Variants in SMPD3 observed in about 807,000 individuals in gnomAD.
The protein encoded by SMPD3 is nSMase-2.
SMPD3 carries 21 observed loss-of-function variants against 55.7 expected under a neutral mutation model. The observed-to-expected ratio is 0.38, with a 90% CI of 0.27 to 0.54. The LOEUF is 0.54. Ranked by LOEUF, SMPD3 falls within the 20% of genes least tolerant of loss-of-function variation. The probability of loss-of-function intolerance (pLI) is 0.80; values close to 1 mark genes in which losing one functional copy is unlikely to be tolerated. For synonymous variants in SMPD3, 457 were observed against 404.3 expected (o/e 1.13, Z -1.56); for missense variants, 842 against 899.6 (o/e 0.94, Z 0.82).
intron 1 of SMPD3, among the ~76,000 whole-genome samples, chr16:68,446,872 C>A (rs931168545): frequency 6.6e-6 from 1 of 152,230 alleles, no homozygotes; most frequent in African/African-American, 2.4e-5. Flanking sequence ...CCATCGCGTG[C>A]ACAGAATCCT....
intron 1 of SMPD3, among the ~76,000 whole-genome samples, chr16:68,393,608 G>C (rs1210285345): frequency 6.6e-6 from 1 of 152,182 alleles, no homozygotes. Flanking sequence ...TCAGAGTTGA[G>C]GTCTGGATTG....
Position 68,361,317 on chromosome 16 carries a change from G to A in SMPD3, c.1867-10C>T. On this transcript the variant is annotated splice_polypyrimidine_tract_variant and intron_variant, in intron 8 of 8. Coordinates refer to ENST00000219334, the MANE Select transcript of SMPD3 (RefSeq NM_018667.4). ...TGAATTCTTCCACCTCCTGGGGTGA[G>A]TGGGAGAGGGGAGAAACAGCCTGGT... The A allele has an allele frequency of 6.2e-7, 1 of 1,605,620 alleles. No individual in the cohort carries two copies. Among genetic ancestry groups the A allele is most frequent in the Non-Finnish European group, 8.5e-7 (1 of 1,175,878 alleles).
At chr16:68,361,890 ATC>A (rs2089291435) in intron 7 of SMPD3, 131 bp from the exon 8 acceptor site, 11 of 1,344,992 alleles carry the variant, frequency 8.2e-6, no homozygotes, top group Middle Eastern at 5.4e-4. Context: ...TGGGTTTAAG[ATC>A]TCTCCCCTGC....
Position 68,360,901 on chromosome 16 carries a change from C to G in SMPD3, c.*305G>C. On this transcript the variant is annotated 3_prime_UTR_variant, in exon 9 of 9. Coordinates refer to ENST00000219334, the MANE Select transcript of SMPD3 (RefSeq NM_018667.4). ...AGAGGAGATACAGAGAGTACACGAA[C>G]CCGGTCCTCATACTAACCCACGGGT... 1 of 376,792 alleles carries G rather than the reference C, an allele frequency of 2.7e-6. No homozygotes were observed. The highest frequency in any genetic ancestry group is 4.9e-6 in the Non-Finnish European group (1 of 204,732). The allele number at this position is 376,792 out of a possible 1,614,324, so 23.3% of individuals were successfully genotyped here. A position where few individuals can be genotyped will look rare whatever the true frequency, so the allele number is the denominator to read the frequency against.
At chr16:68,400,572 G>A (rs1344023887) in intron 1 of SMPD3, among the ~76,000 whole-genome samples, 1 of 152,212 alleles carries the variant, frequency 6.6e-6, no homozygotes, top group Non-Finnish European at 1.5e-5. Flanking sequence ...TGCACTTTCT[G>A]ACAGTTTTAT....
chr16:68,425,975 G>C (rs561851981), intron 1 of SMPD3, among the ~76,000 whole-genome samples: 1 of 152,330 alleles, frequency 6.6e-6, no homozygotes, highest in African/African-American at 2.4e-5. Flanking sequence ...GGAGCACTGA[G>C]AGTGGATTTG....
In SMPD3 at chr16:68,405,897, C is replaced by T. The variant is rs536173032; in HGVS notation, c.-268-19238G>A. Reference sequence around the variant, plus strand: ...GGAGTGGAAATCCAGAGCTGTCGTCCGCCCTTAACCCCAGACTTAGTACCA... The same window carrying T: ...GGAGTGGAAATCCAGAGCTGTCGTCTGCCCTTAACCCCAGACTTAGTACCA... On this transcript the variant is annotated intron_variant, in intron 1 of 8. Transcript: ENST00000219334. 1.4e-4 allele frequency among the ~76,000 whole-genome samples: 22 copies of T among 152,294 alleles called. No individual in the cohort carries two copies. The South Asian group carries it at 3.1e-3, about 22-fold the overall frequency.
chr16:68,364,482 C>T (rs903129636), intron 5 of SMPD3: 13 of 457,158 alleles, frequency 2.8e-5, no homozygotes, highest in South Asian at 6.9e-5. Flanking sequence ...CTAGTGGACT[C>T]GTCCTTTGTC....
At chr16:68,368,654 A>G (rs1322862871) in intron 3 of SMPD3, 2 of 153,022 alleles carry the variant, frequency 1.3e-5, no homozygotes, top group African/African-American at 4.8e-5. Flanking sequence ...TTGCGAGTGA[A>G]TGGGGATGTG....
intron 1 of SMPD3, among the ~76,000 whole-genome samples, chr16:68,426,883 A>G (rs2090439921): frequency 6.6e-6 from 1 of 152,034 alleles, no homozygotes; most frequent in Admixed American, 6.6e-5. Context: ...CCTGCCATCA[A>G]TCCACGTAGG....
At chr16:68,391,631 G>C (rs1256820079) in intron 1 of SMPD3, among the ~76,000 whole-genome samples, 1 of 152,212 alleles carries the variant, frequency 6.6e-6, no homozygotes, top group African/African-American at 2.4e-5. Context: ...GGGGTGGGCA[G>C]GAGGGGAGAC....
chr16:68,410,293 G>A (rs553543125), intron 1 of SMPD3, among the ~76,000 whole-genome samples: 2 of 152,198 alleles, frequency 1.3e-5, no homozygotes, highest in African/African-American at 2.4e-5. Flanking sequence ...GGAGGGAGGA[G>A]GTGAGGGCAG....
At chr16:68,400,560 C>T (rs1351431753) in intron 1 of SMPD3, among the ~76,000 whole-genome samples, 1 of 152,226 alleles carries the variant, frequency 6.6e-6, no homozygotes, top group Non-Finnish European at 1.5e-5. Flanking sequence ...GAATCCTCAA[C>T]TTGCACTTTC....
At chr16:68,416,444 C>T (rs761750589) in intron 1 of SMPD3, among the ~76,000 whole-genome samples, 2 of 152,214 alleles carry the variant, frequency 1.3e-5, no homozygotes, top group Non-Finnish European at 2.9e-5. Flanking sequence ...GGGTTTCTCC[C>T]TAATCCCTCC....
chr16:68,378,827 GGAAGGTTAGGAACCT>G (rs541901954), intron 2 of SMPD3, among the ~76,000 whole-genome samples: 229 of 152,302 alleles, frequency 1.5e-3, no homozygotes, highest in Middle Eastern at 6.8e-3. Context: ...TATCTGAGAT[GGAAGGTTAGGAACCT>G]GAAGCTTCTG....
chr16:68,438,877 C>A (rs942143532), intron 1 of SMPD3, among the ~76,000 whole-genome samples: 23 of 152,186 alleles, frequency 1.5e-4, no homozygotes, highest in Non-Finnish European at 1.8e-4. Flanking sequence ...ACAGGCTCTG[C>A]AGTCAGATTG....
intron 1 of SMPD3, among the ~76,000 whole-genome samples, chr16:68,431,966 T>C (rs1463497227): frequency 6.6e-6 from 1 of 151,244 alleles, no homozygotes. Context: ...AAACCAAAAA[T>C]TAGCTGGGTG....
chr16:68,361,289 A>C lies in SMPD3; in HGVS notation c.1885T>G (p.Phe629Val). 1 of 1,612,122 alleles carries C rather than the reference A, an allele frequency of 6.2e-7. No individual in the cohort carries two copies. The highest frequency in any genetic ancestry group is 2.2e-5 in the East Asian group (1 of 44,726). The change falls in exon 9 of 9, where the codon TTT becomes GTT. Residue 629 changes from phenylalanine (F) to valine (V), a missense_variant. By Grantham distance (50) the Phe-to-Val change is conservative. Coordinates refer to ENST00000219334, the MANE Select transcript of SMPD3 (RefSeq NM_018667.4). Reference protein sequence around the residue: ...DWKAEVEEFSFITQLSGLTDH... With the variant: ...DWKAEVEEFSVITQLSGLTDH... ...GTCAGGCCGGACAGCTGGGTGATAA[A>C]ACTGAATTCTTCCACCTCCTGGGGT...
chr16:68,417,367 T>C (rs1407684336), intron 1 of SMPD3, among the ~76,000 whole-genome samples: 1 of 152,150 alleles, frequency 6.6e-6, no homozygotes, highest in Admixed American at 6.5e-5. Context: ...CCGACTCAGC[T>C]AAGAGGGGCT....
Sources: gnomAD v4.1 joint callset for allele counts (sites outside exome capture counted in the v4.1 genomes callset) on GRCh38, gnomAD v4.1.1 for gene constraint, MANE v1.5 for transcripts, NCBI Gene and HGNC (gene_info 2026-07-23, HGNC 2026-07-21) for gene names.